KCNIP4: variants seen among roughly 807,000 people sequenced by gnomAD.
KCNIP4 encodes the protein potassium voltage-gated channel interacting protein 4.
Under a neutral mutation model 34.0 loss-of-function variants are expected in KCNIP4, and 12 were observed. The ratio of observed to expected loss-of-function variants is 0.35; its 90% CI spans 0.23 to 0.57. The LOEUF (loss-of-function observed/expected upper bound fraction) is 0.57. KCNIP4 is among the 20% of genes least tolerant of loss of function. The probability of loss-of-function intolerance (pLI) is 0.83; values close to 1 mark genes in which losing one functional copy is unlikely to be tolerated. For synonymous variants in KCNIP4, 124 were observed against 102.2 expected, an observed-to-expected ratio of 1.21 and a Z score of -1.29; for missense variants, 238 against 311.7, an observed-to-expected ratio of 0.76 and a Z score of 1.78.
At chr4:21,795,033 C>G (rs1448174726) in intron 1 of KCNIP4, among the ~76,000 whole-genome samples, 1 of 152,136 alleles carries the variant, frequency 6.6e-6, no homozygotes, top group African/African-American at 2.4e-5. Context: ...ACTGAATTTT[C>G]AGTTCCCCCC....
intron 2 of KCNIP4, among the ~76,000 whole-genome samples, chr4:20,864,245 T>C (rs1043804723): frequency 2.1e-5 from 2 of 96,220 alleles, no homozygotes; most frequent in Non-Finnish European, 4.4e-5. Context: ...CACATATGTA[T>C]GTATATATGC....
chr4:20,981,570 C>G (rs1443705737), intron 1 of KCNIP4, among the ~76,000 whole-genome samples: 2 of 152,172 alleles, frequency 1.3e-5, no homozygotes, highest in African/African-American at 4.8e-5. Context: ...CCTGCTTCTG[C>G]TCGCAGTTAC....
At chr4:21,073,212 A>T (rs577390049) in intron 1 of KCNIP4, among the ~76,000 whole-genome samples, 137 of 152,154 alleles carry the variant, frequency 9.0e-4, no homozygotes, top group Non-Finnish European at 1.4e-3. Flanking sequence ...TGGGGATGGC[A>T]TTGAATCTAT....
intron 1 of KCNIP4, among the ~76,000 whole-genome samples, chr4:21,147,939 C>CAAAAAAAAAAAAAAAAAAAAAAA (rs377562727): frequency 1.2e-3 from 38 of 30,996 alleles, no homozygotes; most frequent in East Asian, 1.9e-3. Flanking sequence ...AACTCCGTCT[C>CAAAAAAAAAAAAAAAAAAAAAAA]AAAAAAAAAA....
chr4:21,872,778 G>C (rs892155058), intron 1 of KCNIP4, among the ~76,000 whole-genome samples: 3 of 152,156 alleles, frequency 2.0e-5, no homozygotes, highest in Non-Finnish European at 4.4e-5. Flanking sequence ...TATTTTTCAA[G>C]AATTGTTAAA....
At chr4:20,977,900 C>T (rs1448898922) in intron 1 of KCNIP4, among the ~76,000 whole-genome samples, 1 of 152,196 alleles carries the variant, frequency 6.6e-6, no homozygotes, top group Non-Finnish European at 1.5e-5. Flanking sequence ...CTCCCTCTCA[C>T]AATACTTTTT....
chr4:21,016,197 T>C lies in KCNIP4; in HGVS notation c.62-133488A>G, dbSNP rs115794808. The stretch of plus-strand genomic sequence containing the variant: ...GACCCTTTTCTGCCTCCTTACAAAC[T>C]GGATGAGGGCTTAGGTCGCTGACAA... On this transcript the variant is annotated intron_variant, in intron 1 of 8. Transcript: ENST00000382152. Among the ~76,000 whole-genome samples, 943 of 151,518 alleles carry C rather than the reference T, an allele frequency of 6.2e-3. 10 individuals are homozygous for C. The highest frequency in any genetic ancestry group is 0.021 in the African/African-American group (881 of 41,412).
intron 1 of KCNIP4, among the ~76,000 whole-genome samples, chr4:21,593,877 C>T (rs1742417676): frequency 6.6e-6 from 1 of 152,064 alleles, no homozygotes; most frequent in South Asian, 2.1e-4. Flanking sequence ...ACTGAGTGAG[C>T]CATTACTCAG....
intron 1 of KCNIP4, among the ~76,000 whole-genome samples, chr4:21,469,223 C>A (rs889773830): frequency 6.6e-6 from 1 of 152,034 alleles, no homozygotes; most frequent in Admixed American, 6.6e-5. Flanking sequence ...TGCCACCATG[C>A]CTGGCTATTT....
chr4:20,934,537 C>T (rs1730842255), intron 1 of KCNIP4, among the ~76,000 whole-genome samples: 1 of 152,118 alleles, frequency 6.6e-6, no homozygotes, highest in Admixed American at 6.6e-5. Flanking sequence ...TTCACTCACC[C>T]TTAAATTTAA....
At chr4:21,014,071 TC>T (rs1341693124) in intron 1 of KCNIP4, among the ~76,000 whole-genome samples, 3 of 152,194 alleles carry the variant, frequency 2.0e-5, no homozygotes, top group African/African-American at 7.2e-5. Flanking sequence ...CTTCCTCCAA[TC>T]ATCAACCATA....
Position 20,749,681 on chromosome 4 carries a change from T to C in KCNIP4, c.410A>G (p.Asn137Ser), listed in dbSNP as rs767393802. The C allele has an allele frequency of 3.1e-6, 5 of 1,607,558 alleles. No homozygotes were observed. Among genetic ancestry groups the C allele is most frequent in the East Asian group, 2.2e-5 (1 of 44,716 alleles). Residue 137 changes from asparagine to serine, a missense_variant, in exon 5 of 9, where the codon AAT (asparagine) becomes AGT (serine). By Grantham distance (46) the Asn-to-Ser change is conservative. Transcript: ENST00000382152. ...FLFNAFDTDH[N>S]GAVSFEDFIK... is the part of the protein sequence containing the mutation. ...GCTTACCTCGAAACTCACAGCTCCATTGTGGTCTGTATCAAATGCATTGAA... is the reference window on the plus strand; with the variant it reads ...GCTTACCTCGAAACTCACAGCTCCACTGTGGTCTGTATCAAATGCATTGAA...
intron 1 of KCNIP4, chr4:21,855,851 C>T (rs1415267911): frequency 6.6e-6 from 1 of 152,232 alleles, no homozygotes; most frequent in Admixed American, 6.5e-5. Flanking sequence ...CTAGAATTAC[C>T]ACAAGATTCT....
chr4:21,157,462 A>ACCAAACAG, intron 1 of KCNIP4, among the ~76,000 whole-genome samples: 1 of 152,196 alleles, frequency 6.6e-6, no homozygotes, highest in South Asian at 2.1e-4. Context: ...AACAACAACA[A>ACCAAACAG]CCAAACAGGC....
chr4:21,515,500 G>A lies in KCNIP4; in HGVS notation c.61+433071C>T, dbSNP rs143563712. ...AAAAATACAAAAAAATTAGCTATGCGTCGTTGCAGGCGCCTGTAGTCCCAG... is the reference window on the plus strand; with the variant it reads ...AAAAATACAAAAAAATTAGCTATGCATCGTTGCAGGCGCCTGTAGTCCCAG... On this transcript the variant is annotated intron_variant, in intron 1 of 8. Coordinates refer to ENST00000382152, the MANE Select transcript of KCNIP4 (RefSeq NM_025221.6). 1.8e-3 allele frequency among the ~76,000 whole-genome samples: 276 copies of A among 152,128 alleles called. 1 individual carries two copies. The highest frequency in any genetic ancestry group is 6.8e-3 in the Middle Eastern group (2 of 294).
intron 1 of KCNIP4, among the ~76,000 whole-genome samples, chr4:21,548,019 A>G (rs1435132259): frequency 6.6e-6 from 1 of 152,084 alleles, no homozygotes; most frequent in Non-Finnish European, 1.5e-5. Flanking sequence ...CTGAATTTAT[A>G]TGCTATTAAT....
At chr4:21,359,328 C>G (rs1003332507) in intron 1 of KCNIP4, among the ~76,000 whole-genome samples, 3 of 152,106 alleles carry the variant, frequency 2.0e-5, no homozygotes, top group Admixed American at 2.0e-4. Context: ...ATCCTAGACT[C>G]TCTAGCTTGC....
At chr4:21,214,749 T>C (rs901839255) in intron 1 of KCNIP4, among the ~76,000 whole-genome samples, 4 of 152,210 alleles carry the variant, frequency 2.6e-5, no homozygotes, top group African/African-American at 9.6e-5. Context: ...ACACAGTTTA[T>C]ACTTCTTTCT....
chr4:21,390,698 T>A (rs1577287034), intron 1 of KCNIP4, among the ~76,000 whole-genome samples: 1 of 152,176 alleles, frequency 6.6e-6, no homozygotes, highest in East Asian at 1.9e-4. Context: ...CTGTTTTGGT[T>A]ACTATAGCCT....
Sources: allele counts gnomAD v4.1 joint callset (sites outside exome capture counted in the v4.1 genomes callset), GRCh38; gene constraint gnomAD v4.1.1; transcripts MANE v1.5; gene names NCBI Gene and HGNC (gene_info 2026-07-23, HGNC 2026-07-21).